The following PHACTR1 variants were observed in gnomAD, a reference collection of about 807,000 sequenced individuals.
The protein encoded by PHACTR1 is phosphatase and actin regulator 1.
Under a neutral mutation model 69.2 loss-of-function variants are expected in PHACTR1, and 16 were observed. The observed-to-expected ratio is 0.23, with a 90% CI of 0.16 to 0.35. PHACTR1 has a LOEUF of 0.35. Ranked by LOEUF, PHACTR1 falls within the 10% of genes least tolerant of loss-of-function variation. The pLI, the probability that PHACTR1 is intolerant of heterozygous loss-of-function variation, is 1.00. For missense variants in PHACTR1, 510 were observed against 734.7 expected, an observed-to-expected ratio of 0.69 and a Z score of 3.54; for synonymous variants, 312 against 284.5, an observed-to-expected ratio of 1.10 and a Z score of -0.97.
chr6:13,014,830 G>A (rs1799932897), intron 4 of PHACTR1, among the ~76,000 whole-genome samples: 1 of 152,196 alleles, frequency 6.6e-6, no homozygotes, highest in Admixed American at 6.5e-5. Context: ...AAGGCGTGCC[G>A]GGCTGCCAGC....
chr6:13,042,279 C>T (rs1244235695), intron 4 of PHACTR1, among the ~76,000 whole-genome samples: 3 of 152,180 alleles, frequency 2.0e-5, no homozygotes, highest in African/African-American at 4.8e-5. Flanking sequence ...GAACATTAGG[C>T]ATTTTAAAAT....
chr6:13,191,141 C>G (rs1013390913), intron 7 of PHACTR1, among the ~76,000 whole-genome samples: 5 of 152,226 alleles, frequency 3.3e-5, no homozygotes, highest in Non-Finnish European at 5.9e-5. Flanking sequence ...AACCACCTGG[C>G]TACTTCTGCC....
At chr6:12,921,551 AGGAGGAAG>A (rs1274803252) in intron 4 of PHACTR1, among the ~76,000 whole-genome samples, 12 of 120,212 alleles carry the variant, frequency 1.0e-4, no homozygotes, top group African/African-American at 3.6e-4. Flanking sequence ...GAAAGGAGGA[AGGAGGAAG>A]GAAGGAAGGA....
In PHACTR1 at chr6:12,716,811, T is replaced by C. The variant is rs888749313; in HGVS notation, c.-367T>C. 6.6e-6 allele frequency: 1 copy of C among 152,222 alleles called. No individual in the cohort carries two copies. Among genetic ancestry groups the C allele is most frequent in the Non-Finnish European group, 1.5e-5 (1 of 68,070 alleles). 9.4% of individuals were successfully genotyped at this position (152,222 alleles called of 1,614,324 possible). A position where few individuals can be genotyped will look rare whatever the true frequency, so the allele number is the denominator to read the frequency against. Reference sequence around the variant, plus strand: ...AGATTGAAGGGAAAATTAGAAGCTGTTCATTTGTGCTTGCGGGCTCAGAAG... The same window carrying C: ...AGATTGAAGGGAAAATTAGAAGCTGCTCATTTGTGCTTGCGGGCTCAGAAG... On this transcript the variant is annotated 5_prime_UTR_variant, in exon 1 of 15. Transcript: ENST00000332995.
intron 4 of PHACTR1, among the ~76,000 whole-genome samples, chr6:13,000,987 A>G (rs1035565731): frequency 2.0e-5 from 3 of 152,206 alleles, no homozygotes; most frequent in Non-Finnish European, 4.4e-5. Context: ...TGTATTGATC[A>G]CTTTGAGGAT....
chr6:12,844,978 G>A (rs1031500200), intron 4 of PHACTR1, among the ~76,000 whole-genome samples: 1 of 152,100 alleles, frequency 6.6e-6, no homozygotes, highest in African/African-American at 2.4e-5. Flanking sequence ...CAAATTAACT[G>A]GTTACAGAAA....
chr6:13,259,807 G>A (rs1775662961), intron 10 of PHACTR1, among the ~76,000 whole-genome samples: 1 of 152,186 alleles, frequency 6.6e-6, no homozygotes, highest in Admixed American at 6.5e-5. Flanking sequence ...CCTCTAGCCA[G>A]GCTAACTGTT....
At chr6:12,963,222 G>A (rs1480281825) in intron 4 of PHACTR1, among the ~76,000 whole-genome samples, 1 of 152,132 alleles carries the variant, frequency 6.6e-6, no homozygotes, top group Non-Finnish European at 1.5e-5. Flanking sequence ...AGGCATGGAC[G>A]AAAAAGTAAT....
At chr6:12,845,437 C>CCCCA (rs1779151718) in intron 4 of PHACTR1, among the ~76,000 whole-genome samples, 1 of 64,822 alleles carries the variant, frequency 1.5e-5, no homozygotes, top group Non-Finnish European at 3.8e-5. Flanking sequence ...CCACCCCCCC[C>CCCCA]CCCCCCGCCC....
chr6:12,735,029 C>T (rs1260375167), intron 3 of PHACTR1, among the ~76,000 whole-genome samples: 1 of 152,208 alleles, frequency 6.6e-6, no homozygotes, highest in Non-Finnish European at 1.5e-5. Flanking sequence ...CTGACAGTTT[C>T]TGTGGGTCAA....
rs540244634 is a variant in PHACTR1 at position 13,177,756 on chromosome 6, C to T, written c.497-4763C>T. ...TTTGAGGTGTTTGCCTCATGCCTCA[C>T]TTATGGGAGGAGCGGCAGGCTGGGG... On this transcript the variant is annotated intron_variant, in intron 6 of 14. Coordinates refer to ENST00000332995, the MANE Select transcript of PHACTR1 (RefSeq NM_030948.6). 5.6e-4 allele frequency among the ~76,000 whole-genome samples: 86 copies of T among 152,304 alleles called. 1 individual carries two copies. Among genetic ancestry groups the T allele is most frequent in the Non-Finnish European group, 1.1e-3 (72 of 68,026 alleles).
chr6:13,252,133 G>C (rs1774514818), intron 10 of PHACTR1, among the ~76,000 whole-genome samples: 1 of 150,160 alleles, frequency 6.7e-6, no homozygotes, highest in South Asian at 2.1e-4. Context: ...CACTTTGGGA[G>C]GCTGAGGTGG....
chr6:13,073,500 C>T (rs540594771), intron 5 of PHACTR1, among the ~76,000 whole-genome samples: 6 of 151,828 alleles, frequency 4.0e-5, no homozygotes, highest in African/African-American at 9.7e-5. Flanking sequence ...CATGCCACCA[C>T]GCCTGGCCAA....
At chr6:12,930,498 G>A (rs2127527344) in intron 4 of PHACTR1, among the ~76,000 whole-genome samples, 1 of 152,286 alleles carries the variant, frequency 6.6e-6, no homozygotes, top group East Asian at 1.9e-4. Flanking sequence ...GTACAGCGTT[G>A]CCAGCCACAT....
rs1781925748 is a variant in PHACTR1, at chr6:13,287,633, T to G, written c.*555T>G. On this transcript the variant is annotated 3_prime_UTR_variant, in exon 15 of 15. Transcript: ENST00000332995. ...TGAACACTTCTCAGTTGCCCCTGGC[T>G]TTTCCCTCCTTTCAGCCACCACCCA... 1 of 152,684 alleles carries G rather than the reference T, an allele frequency of 6.5e-6. No homozygotes were observed. Among genetic ancestry groups the G allele is most frequent in the South Asian group, 2.0e-4 (1 of 4,928 alleles). The allele number at this position is 152,684 out of a possible 1,614,324, so 9.5% of individuals were successfully genotyped here. A position where few individuals can be genotyped will look rare whatever the true frequency, so the allele number is the denominator to read the frequency against.
At chr6:12,779,983 A>G in intron 4 of PHACTR1, among the ~76,000 whole-genome samples, 1 of 152,210 alleles carries the variant, frequency 6.6e-6, no homozygotes, top group East Asian at 1.9e-4. Flanking sequence ...CAAGTCCTTG[A>G]TGAGGTCCAT....
At chr6:12,890,692 A>C (rs1348674276) in intron 4 of PHACTR1, among the ~76,000 whole-genome samples, 1 of 152,000 alleles carries the variant, frequency 6.6e-6, no homozygotes, top group African/African-American at 2.4e-5. Context: ...CCCTCACTTC[A>C]TTTAAGTGTT....
intron 6 of PHACTR1, among the ~76,000 whole-genome samples, chr6:13,169,791 G>T (rs1242914526): frequency 1.3e-5 from 2 of 152,198 alleles, no homozygotes; most frequent in African/African-American, 4.8e-5. Context: ...CAGGGTGTAA[G>T]TTAAGATGCT....
At chr6:12,905,741 C>T (rs1009802592) in intron 4 of PHACTR1, among the ~76,000 whole-genome samples, 3 of 152,162 alleles carry the variant, frequency 2.0e-5, no homozygotes, top group Non-Finnish European at 2.9e-5. Flanking sequence ...CATGTAACAA[C>T]CATAAATTCA....
Sources: allele counts gnomAD v4.1 joint callset (sites outside exome capture counted in the v4.1 genomes callset), GRCh38; gene constraint gnomAD v4.1.1; transcripts MANE v1.5; gene names NCBI Gene and HGNC (gene_info 2026-07-23, HGNC 2026-07-21).